The following ZNF611 variants were observed in gnomAD, a reference collection of about 807,000 sequenced individuals.
The protein encoded by ZNF611 is zinc finger protein 611.
ZNF611 carries 6 observed loss-of-function variants against 8.9 expected under a neutral mutation model. The observed-to-expected ratio is 0.68, with a 90% CI of 0.37 to 1.34. The LOEUF (loss-of-function observed/expected upper bound fraction) is 1.34, where lower values mean the gene tolerates loss of function less well. ZNF611 is among the 40% of genes most tolerant of loss of function. The pLI, the probability that ZNF611 is intolerant of heterozygous loss-of-function variation, is 0.02. For missense variants in ZNF611, 874 were observed against 841.3 expected (o/e 1.04, Z -0.48); for synonymous variants, 262 against 279.7 (o/e 0.94, Z 0.63).
chr19:52,731,416 G>T (rs943705895), intron 1 of ZNF611, among the ~76,000 whole-genome samples: 11 of 151,900 alleles, frequency 7.2e-5, no homozygotes, highest in African/African-American at 2.7e-4. Context: ...TGTTGCCCAG[G>T]CTGGCATGCA....
rs760450497 is a variant in ZNF611 at position 52,706,813 on chromosome 19, T to C, written c.242A>G (p.Asn81Ser). 3.1e-6 allele frequency: 5 copies of C among 1,613,088 alleles called. No individual in the cohort carries two copies. The Admixed American group carries it at 8.4e-5, about 27-fold the overall frequency. The part of the protein sequence containing the change: ...MKEVLSTGQG[N>S]TEVIHTGTLQ... ...TGTCCCTGTGTGGATCACTTCTGTA[T>C]TGCCTTGCCCTGTTGACAAGACCTC... The change falls in exon 6 of 6, where the codon AAT (asparagine) becomes AGT (serine). Residue 81 changes from asparagine to serine, a missense_variant. Coordinates refer to ENST00000652185, the MANE Select transcript of ZNF611 (RefSeq NM_001161499.2).
chr19:52,720,256 C>T (rs538534033), intron 3 of ZNF611, among the ~76,000 whole-genome samples: 1 of 152,354 alleles, frequency 6.6e-6, no homozygotes, highest in Admixed American at 6.5e-5. Flanking sequence ...CCATCGTCAT[C>T]ATGGCCAGTT....
intron 3 of ZNF611, among the ~76,000 whole-genome samples, chr19:52,720,558 C>T (rs1347148194): frequency 6.6e-6 from 1 of 150,790 alleles, no homozygotes; most frequent in Non-Finnish European, 1.5e-5. Context: ...GATGGGGCAG[C>T]CGGGCAGAGG....
chr19:52,712,456 T>TTAA (rs2062286428), intron 5 of ZNF611, among the ~76,000 whole-genome samples: 2 of 37,466 alleles, frequency 5.3e-5, no homozygotes, highest in Admixed American at 4.8e-4. Context: ...CTGTCTCTAC[T>TTAA]AAAAAAAAAA....
intron 1 of ZNF611, among the ~76,000 whole-genome samples, chr19:52,733,770 C>T (rs116464134): frequency 6.6e-6 from 1 of 151,914 alleles, no homozygotes; most frequent in Non-Finnish European, 1.5e-5. Context: ...TCCCTTTATT[C>T]CTTCTCTTCC....
rs373602040 is a variant in ZNF611, at chr19:52,715,807, A to G, written c.63+25T>C. 9.9e-6 allele frequency: 16 copies of G among 1,608,296 alleles called. No homozygotes were observed. In the African/African-American group the frequency reaches 1.9e-4, roughly 19 times the overall value. On this transcript the variant is annotated intron_variant, in intron 4 of 5. Transcript: ENST00000652185. ...ATTTCAGAAACGAAAGACACAGATT[A>G]ATCCACAGAGGAATATCACTTCACC...
chr19:52,731,433 C>T (rs900867982), intron 1 of ZNF611, among the ~76,000 whole-genome samples: 8 of 152,066 alleles, frequency 5.3e-5, no homozygotes. Flanking sequence ...TGCAGTGGCG[C>T]AATCTCGGCT....
intron 1 of ZNF611, among the ~76,000 whole-genome samples, chr19:52,731,657 G>A (rs1409649999): frequency 1.3e-5 from 2 of 151,308 alleles, no homozygotes; most frequent in African/African-American, 4.9e-5. Context: ...TTGAGCCACC[G>A]TGCCCTGATG....
chr19:52,729,514 A>AAAAAAAAAAAG (rs1453807394), intron 2 of ZNF611, among the ~76,000 whole-genome samples: 1 of 148,560 alleles, frequency 6.7e-6, no homozygotes, highest in Non-Finnish European at 1.5e-5. Context: ...AAAAAAAAAA[A>AAAAAAAAAAAG]AAAAGAAAAG....
intron 4 of ZNF611, among the ~76,000 whole-genome samples, chr19:52,715,210 C>A (rs1186448912): frequency 2.0e-5 from 3 of 152,082 alleles, no homozygotes; most frequent in African/African-American, 7.2e-5. Flanking sequence ...GTAATCCCAG[C>A]ACTTTGGGAG....
intron 4 of ZNF611, 74 bp downstream of exon 4, chr19:52,715,758 A>C: frequency 1.3e-6 from 2 of 1,592,236 alleles, no homozygotes; most frequent in Non-Finnish European, 1.7e-6. Context: ...GACTCAGAAA[A>C]GACTGGCTGC....
chr19:52,725,056 C>T (rs1256670850), intron 3 of ZNF611, among the ~76,000 whole-genome samples: 1 of 152,172 alleles, frequency 6.6e-6, no homozygotes, highest in African/African-American at 2.4e-5. Flanking sequence ...CTCTCTCTAT[C>T]TCCTCATCTC....
chr19:52,706,159 T>A lies in ZNF611; in HGVS notation c.896A>T (p.Glu299Val), dbSNP rs138447291. The change falls in exon 6 of 6, where the codon GAG becomes GTG. Residue 299 changes from glutamate (E) to valine (V), a missense_variant. By Grantham distance (121) the Glu-to-Val change is moderately radical (BLOSUM62 -2). Transcript: ENST00000652185. The stretch of plus-strand genomic sequence containing the variant: ...TCTACGATGGCAGGTAAGGGATGAC[T>A]CCTGACTGAAGGTCTTGCCACACTC... ...CKECGKTFSQESSLTCHRRLH... is the reference protein window; with the variant it reads ...CKECGKTFSQVSSLTCHRRLH... The A allele has an allele frequency of 3.1e-6, 5 of 1,614,084 alleles. No homozygotes were observed. In the South Asian group the frequency reaches 3.3e-5, roughly 11 times the overall value.
chr19:52,714,832 T>C (rs1419690147), intron 4 of ZNF611, among the ~76,000 whole-genome samples: 3 of 151,670 alleles, frequency 2.0e-5, no homozygotes, highest in Non-Finnish European at 2.9e-5. Context: ...ACCATGTCTC[T>C]ACTAAAAATA....
intron 5 of ZNF611, among the ~76,000 whole-genome samples, chr19:52,713,657 C>T (rs1363327232): frequency 1.3e-5 from 2 of 152,080 alleles, no homozygotes; most frequent in East Asian, 1.9e-4. Context: ...TTTGGGAGGC[C>T]GAGGTGGGTG....
intron 3 of ZNF611, among the ~76,000 whole-genome samples, chr19:52,727,241 G>C (rs8103708): frequency 0.037 from 5,599 of 152,118 alleles, 311 homozygotes; most frequent in African/African-American, 0.12. Context: ...CCCCAAATGA[G>C]AAATCATCTC....
At chr19:52,707,685 A>G (rs1369497426) in intron 5 of ZNF611, 1 of 151,802 alleles carries the variant, frequency 6.6e-6, no homozygotes, top group Admixed American at 6.6e-5. Flanking sequence ...TCCAGCTTGG[A>G]GTGCCATGGT....
intron 5 of ZNF611, chr19:52,708,160 C>T (rs1385433679): frequency 6.6e-6 from 1 of 152,182 alleles, no homozygotes; most frequent in East Asian, 1.9e-4. Flanking sequence ...AACTGAAATA[C>T]ATGTTAAGAT....
At chr19:52,718,983 C>G (rs1201368304) in intron 3 of ZNF611, among the ~76,000 whole-genome samples, 1 of 152,044 alleles carries the variant, frequency 6.6e-6, no homozygotes, top group Non-Finnish European at 1.5e-5. Flanking sequence ...GCAGTCTGGC[C>G]AAGATGGTGA....
Sources: allele counts gnomAD v4.1 joint callset (sites outside exome capture counted in the v4.1 genomes callset), GRCh38; gene constraint gnomAD v4.1.1; transcripts MANE v1.5; gene names NCBI Gene and HGNC (gene_info 2026-07-23, HGNC 2026-07-21).